CNTNAP4: variants seen among roughly 807,000 people sequenced by gnomAD.
The protein encoded by CNTNAP4 is contactin associated protein family member 4.
CNTNAP4 carries 98 observed loss-of-function variants against 148.4 expected under a neutral mutation model. That is an observed-to-expected ratio of 0.66 (90% CI 0.56 to 0.78). CNTNAP4 has a LOEUF of 0.78. Among genes scored for constraint, CNTNAP4 ranks in the 30% least tolerant of loss-of-function variants. The probability of loss-of-function intolerance (pLI) is 0.00; values close to 1 mark genes in which losing one functional copy is unlikely to be tolerated. For synonymous variants in CNTNAP4, 730 were observed against 565.1 expected (o/e 1.29, Z -4.14); for missense variants, 1,935 against 1,565.6 (o/e 1.24, Z -3.98).
At chr16:76,299,477 T>C (rs922415068) in intron 1 of CNTNAP4, among the ~76,000 whole-genome samples, 6 of 152,156 alleles carry the variant, frequency 3.9e-5, no homozygotes, top group Admixed American at 3.9e-4. Context: ...ATGGCGATCA[T>C]TAAAAAGTCA....
chr16:76,293,148 C>T (rs763569304), intron 1 of CNTNAP4, among the ~76,000 whole-genome samples: 9 of 150,820 alleles, frequency 6.0e-5, no homozygotes, highest in Non-Finnish European at 1.2e-4. Flanking sequence ...TTTTCTTTTC[C>T]GGAGCCTCAC....
At chr16:76,315,547 A>G (rs1366763697) in intron 1 of CNTNAP4, among the ~76,000 whole-genome samples, 1 of 152,148 alleles carries the variant, frequency 6.6e-6, no homozygotes, top group East Asian at 1.9e-4. Context: ...CCCAGTTTAC[A>G]TCTCTTTTTG....
chr16:76,438,739 T>A lies in CNTNAP4; in HGVS notation c.539-9273T>A, dbSNP rs975890133. On this transcript the variant is annotated intron_variant, in intron 4 of 23. Coordinates refer to ENST00000611870, the MANE Select transcript of CNTNAP4 (RefSeq NM_033401.5). ...CCTCCCATACCCACACTCTCCCTTT[T>A]CCCACTTCCTCCTTCTTTCCTGGCC... 2.0e-5 allele frequency among the ~76,000 whole-genome samples: 3 copies of A among 152,032 alleles called. No individual in the cohort carries two copies. In the East Asian group the frequency reaches 5.8e-4, roughly 29 times the overall value.
At chr16:76,413,428 C>G (rs984782553) in intron 3 of CNTNAP4, among the ~76,000 whole-genome samples, 1 of 151,336 alleles carries the variant, frequency 6.6e-6, no homozygotes, top group Non-Finnish European at 1.5e-5. Flanking sequence ...GCATGGCAAA[C>G]ATTGTTAATA....
intron 3 of CNTNAP4, among the ~76,000 whole-genome samples, chr16:76,383,137 G>A (rs2016161481): frequency 6.7e-6 from 1 of 150,062 alleles, no homozygotes; most frequent in Non-Finnish European, 1.5e-5. Flanking sequence ...TTACTAAACT[G>A]CATCTCAGGG....
intron 21 of CNTNAP4, among the ~76,000 whole-genome samples, chr16:76,542,999 TC>T (rs2084530483): frequency 6.6e-6 from 1 of 152,228 alleles, no homozygotes; most frequent in Admixed American, 6.5e-5. Flanking sequence ...AGAATAACAT[TC>T]ACTATATAAG....
chr16:76,337,493 G>C (rs1321218511), intron 2 of CNTNAP4, among the ~76,000 whole-genome samples: 3 of 152,164 alleles, frequency 2.0e-5, no homozygotes, highest in Non-Finnish European at 4.4e-5. Context: ...ATAGGGAGTA[G>C]GTCACAGGGA....
Position 76,553,793 on chromosome 16 carries a change from C to G in CNTNAP4, c.3662-43C>G, listed in dbSNP as rs140963066. On this transcript the variant is annotated intron_variant, in intron 22 of 23. Transcript: ENST00000611870. ...GATGTTTTCAAAATTTCTTCTTTTACTTGCCTATATCACCTTCCCCCTTTG... is the reference window on the plus strand; with the variant it reads ...GATGTTTTCAAAATTTCTTCTTTTAGTTGCCTATATCACCTTCCCCCTTTG... 9.0e-5 allele frequency: 115 copies of G among 1,271,854 alleles called. 1 individual carries two copies. In the African/African-American group the frequency reaches 1.4e-3, roughly 15 times the overall value. 78.8% of individuals were successfully genotyped at this position (1,271,854 alleles called of 1,614,324 possible).
chr16:76,283,840 T>G lies in CNTNAP4; in HGVS notation c.85+6093T>G, dbSNP rs188957550. ...AAAGTTAAACAAACAAAAGAAGTCC[T>G]TCACTATCCTTTAAAAAATATTTTC... is the stretch of plus-strand genomic sequence containing the variant. On this transcript the variant is annotated intron_variant, in intron 1 of 23. Coordinates refer to ENST00000611870, the MANE Select transcript of CNTNAP4 (RefSeq NM_033401.5). Among the ~76,000 whole-genome samples the G allele has an allele frequency of 2.4e-3, 362 of 152,090 alleles. 1 individual carries two copies. Among genetic ancestry groups the G allele is most frequent in the Non-Finnish European group, 4.0e-3 (270 of 67,860 alleles).
chr16:76,351,977 A>G (rs9937260), intron 2 of CNTNAP4, among the ~76,000 whole-genome samples: 79,792 of 152,018 alleles, frequency 0.52, 21,412 homozygotes, highest in African/African-American at 0.61. Flanking sequence ...TCTCAATTCC[A>G]GCTTTAGACC....
At chr16:76,441,960 C>G (rs967250707) in intron 4 of CNTNAP4, among the ~76,000 whole-genome samples, 1 of 152,110 alleles carries the variant, frequency 6.6e-6, no homozygotes, top group Non-Finnish European at 1.5e-5. Context: ...GGTTAAGTAA[C>G]TCACTGTGAT....
chr16:76,357,756 C>T (rs989043594), intron 3 of CNTNAP4, among the ~76,000 whole-genome samples: 4 of 152,174 alleles, frequency 2.6e-5, no homozygotes, highest in Non-Finnish European at 5.9e-5. Flanking sequence ...CTCTCTCTTG[C>T]CTCCATCAGC....
At chr16:76,501,280 C>T (rs1395085362) in intron 15 of CNTNAP4, among the ~76,000 whole-genome samples, 1 of 152,172 alleles carries the variant, frequency 6.6e-6, no homozygotes, top group East Asian at 1.9e-4. Flanking sequence ...TTTTTCATGG[C>T]TGTAGAGAAG....
At chr16:76,332,534 T>C (rs948424025) in intron 2 of CNTNAP4, among the ~76,000 whole-genome samples, 3 of 152,054 alleles carry the variant, frequency 2.0e-5, no homozygotes, top group Admixed American at 2.0e-4. Context: ...AAAGTGCCAT[T>C]ATTATTTTTT....
chr16:76,367,465 CATAAA>C (rs2014281991), intron 3 of CNTNAP4, among the ~76,000 whole-genome samples: 1 of 151,886 alleles, frequency 6.6e-6, no homozygotes, highest in South Asian at 2.1e-4. Flanking sequence ...ACATATATAA[CATAAA>C]AGAAAGGGTA....
intron 4 of CNTNAP4, chr16:76,432,338 C>G (rs1364925773): frequency 6.6e-6 from 1 of 152,086 alleles, no homozygotes; most frequent in Non-Finnish European, 1.5e-5. Context: ...GAAGGAACAT[C>G]AAGTGAATGG....
At chr16:76,534,203 A>C (rs555344629) in intron 17 of CNTNAP4, among the ~76,000 whole-genome samples, 179 of 152,332 alleles carry the variant, frequency 1.2e-3, no homozygotes, top group African/African-American at 4.2e-3. Context: ...GTGGTTTAAC[A>C]AATGAATGGA....
chr16:76,497,638 T>C lies in CNTNAP4; in HGVS notation c.2238-929T>C, dbSNP rs1311383423. On this transcript the variant is annotated intron_variant, in intron 14 of 23. Coordinates refer to ENST00000611870, the MANE Select transcript of CNTNAP4 (RefSeq NM_033401.5). ...CATGTTCTCACTCATAAGGGGGAGTTGAACAATGAGAACATAAGGACATGG... is the reference window on the plus strand; with the variant it reads ...CATGTTCTCACTCATAAGGGGGAGTCGAACAATGAGAACATAAGGACATGG... 2.6e-4 allele frequency among the ~76,000 whole-genome samples: 38 copies of C among 143,676 alleles called. 1 individual carries two copies. In the Admixed American group the frequency reaches 2.7e-3, roughly 10 times the overall value. 94.3% of individuals were successfully genotyped at this position (143,676 alleles called of 152,430 possible).
At chr16:76,498,514 A>T in intron 14 of CNTNAP4, 53 bp from the exon 15 acceptor site, 1 of 1,544,506 alleles carries the variant, frequency 6.5e-7, no homozygotes, top group South Asian at 1.2e-5. Context: ...TTTGCAATGC[A>T]ATAAGGACTA....
Sources: gnomAD v4.1 joint callset for allele counts (sites outside exome capture counted in the v4.1 genomes callset) on GRCh38, gnomAD v4.1.1 for gene constraint, MANE v1.5 for transcripts, NCBI Gene and HGNC (gene_info 2026-07-23, HGNC 2026-07-21) for gene names.